Variants in RPS6KA1 observed in about 807,000 individuals in gnomAD.
RPS6KA1 encodes the protein ribosomal protein S6 kinase alpha-1.
In RPS6KA1, 48 loss-of-function variants were observed where a neutral mutation model predicts 91.3. The observed-to-expected ratio is 0.53, with a 90% CI of 0.42 to 0.67. The LOEUF is 0.67. Among genes scored for constraint, RPS6KA1 ranks in the 30% least tolerant of loss-of-function variants. The probability of loss-of-function intolerance (pLI) is 0.00; values close to 1 mark genes in which losing one functional copy is unlikely to be tolerated. For synonymous variants in RPS6KA1, 359 were observed against 384.7 expected (o/e 0.93, Z 0.78); for missense variants, 719 against 960.5 (o/e 0.75, Z 3.32).
In RPS6KA1 at chr1:26,574,459, C is replaced by T; in HGVS notation, c.*258C>T. The T allele has an allele frequency of 1.5e-6, 1 of 666,026 alleles. No individual in the cohort carries two copies. Among genetic ancestry groups the T allele is most frequent in the Non-Finnish European group, 2.9e-6 (1 of 348,644 alleles). 41.3% of individuals were successfully genotyped at this position (666,026 alleles called of 1,614,324 possible). A position where few individuals can be genotyped will look rare whatever the true frequency, so the allele number is the denominator to read the frequency against. Reference sequence around the variant, plus strand: ...TTTTTTATGAAAAAAATGGCATCAACCACCATGGATTTTTACAAGATCCAT... The same window carrying T: ...TTTTTTATGAAAAAAATGGCATCAATCACCATGGATTTTTACAAGATCCAT... On this transcript the variant is annotated 3_prime_UTR_variant, in exon 22 of 22. Coordinates refer to ENST00000374168, the MANE Select transcript of RPS6KA1 (RefSeq NM_002953.4). The surrounding 1 kb of genome is among the most constrained non-coding windows in gnomAD (Gnocchi z 4.3).
At position 26,558,337 on chromosome 1, in the gene RPS6KA1, A is replaced by G. The variant is rs1320756478; in HGVS notation, c.1085-470A>G. Among the ~76,000 whole-genome samples, 1 of 152,206 alleles carries G rather than the reference A, an allele frequency of 6.6e-6. No individual in the cohort carries two copies. Among genetic ancestry groups the G allele is most frequent in the African/African-American group, 2.4e-5 (1 of 41,450 alleles). On this transcript the variant is annotated intron_variant, in intron 13 of 21. Coordinates refer to ENST00000374168, the MANE Select transcript of RPS6KA1 (RefSeq NM_002953.4). The surrounding 1 kb of genome is among the most constrained non-coding windows in gnomAD (Gnocchi z 4.0). Reference sequence around the variant, plus strand: ...GGATCTGAGAAGTCCAACATGGCTCAGCTGTGGTATGGAGAGAGAGGAGGT... The same window carrying G: ...GGATCTGAGAAGTCCAACATGGCTCGGCTGTGGTATGGAGAGAGAGGAGGT...
At chr1:26,557,139 C>A in intron 13 of RPS6KA1, 39 bp downstream of exon 13, 1 of 1,543,782 alleles carries the variant, frequency 6.5e-7, no homozygotes, top group Non-Finnish European at 8.9e-7. Context: ...TGGGCTGGTA[C>A]AGGAGGGAAG....
At position 26,554,501 on chromosome 1, in the gene RPS6KA1, C is replaced by T; in HGVS notation, c.614-95C>T. The T allele has an allele frequency of 1.3e-6, 2 of 1,504,000 alleles. No individual in the cohort carries two copies. The highest frequency in any genetic ancestry group is 1.8e-6 in the Non-Finnish European group (2 of 1,109,520). 93.2% of individuals were successfully genotyped at this position (1,504,000 alleles called of 1,614,324 possible). A position where few individuals can be genotyped will look rare whatever the true frequency, so the allele number is the denominator to read the frequency against. On this transcript the variant is annotated intron_variant, in intron 8 of 21. Coordinates refer to ENST00000374168, the MANE Select transcript of RPS6KA1 (RefSeq NM_002953.4). The surrounding 1 kb of genome is among the most constrained non-coding windows in gnomAD (Gnocchi z 4.6). ...CTCCTGAGTGTCATGGGGGTGATGCCTTCTGGCCTCTGGGCACGGGGGTTG... is the reference window on the plus strand; with the variant it reads ...CTCCTGAGTGTCATGGGGGTGATGCTTTCTGGCCTCTGGGCACGGGGGTTG...
chr1:26,544,333 T>C (rs145542843), intron 2 of RPS6KA1, among the ~76,000 whole-genome samples: 41 of 152,324 alleles, frequency 2.7e-4, no homozygotes, highest in Middle Eastern at 3.4e-3. Flanking sequence ...CTGTTGTTCA[T>C]GTCCCCTTCT....
At chr1:26,560,951 G>T in intron 15 of RPS6KA1, 94 bp from the exon 16 acceptor site, 1 of 1,602,768 alleles carries the variant, frequency 6.2e-7, no homozygotes, top group South Asian at 1.1e-5. Flanking sequence ...ATGTATGAAA[G>T]GTGTGTGGCC....
intron 20 of RPS6KA1, 142 bp from the exon 21 acceptor site, chr1:26,573,082 G>T: frequency 2.4e-6 from 2 of 826,098 alleles, no homozygotes; most frequent in Non-Finnish European, 3.8e-6. Flanking sequence ...GGGGAGCCCT[G>T]GAGCAGAGTG....
intron 17 of RPS6KA1, among the ~76,000 whole-genome samples, chr1:26,566,005 A>G (rs1372605902): frequency 6.6e-6 from 1 of 152,100 alleles, no homozygotes; most frequent in African/African-American, 2.4e-5. Flanking sequence ...TCTCCTGTTA[A>G]TAGACACCAG....
chr1:26,572,060 C>A, intron 19 of RPS6KA1, 116 bp from the exon 20 acceptor site: 1 of 1,299,980 alleles, frequency 7.7e-7, no homozygotes, highest in Admixed American at 1.7e-5. Context: ...CTCCTGCCTC[C>A]AGGAGCTCTA....
In RPS6KA1 at chr1:26,554,353, G is replaced by A. The variant is rs1173309508; in HGVS notation, c.613+102G>A. 33 of 1,314,972 alleles carry A rather than the reference G, an allele frequency of 2.5e-5. No homozygotes were observed. Among genetic ancestry groups the A allele is most frequent in the South Asian group, 8.2e-5 (6 of 73,042 alleles). 81.5% of individuals were successfully genotyped at this position (1,314,972 alleles called of 1,614,324 possible). ...GGGGGCTCATTCTTCCCGAGAAGCC[G>A]TGCCAGTTACTTGGAAGTGGTCAAA... On this transcript the variant is annotated intron_variant, in intron 8 of 21. Coordinates refer to ENST00000374168, the MANE Select transcript of RPS6KA1 (RefSeq NM_002953.4). The surrounding 1 kb of genome is among the most constrained non-coding windows in gnomAD (Gnocchi z 4.6).
chr1:26,574,124 AC>A lies in RPS6KA1; in HGVS notation c.2137del (p.Gln713SerfsTer2). 3 of 1,612,134 alleles carry A rather than the reference AC, an allele frequency of 1.9e-6. No individual in the cohort carries two copies. The highest frequency in any genetic ancestry group is 2.2e-5 in the East Asian group (1 of 44,824). ...TYSALNSSKP[T>X]PQLKPIESSI... The stretch of plus-strand genomic sequence containing the variant: ...CTCCGCACTCAACAGCTCCAAGCCC[AC>A]CCCCCAGCTGAAGCCCATCGAGTCA... On this transcript the variant is annotated frameshift_variant, in exon 22 of 22. Transcript: ENST00000374168. LOFTEE classifies it high-confidence loss of function. The surrounding 1 kb of genome is among the most constrained non-coding windows in gnomAD (Gnocchi z 4.3).
chr1:26,564,480 G>A (rs1231196434), intron 17 of RPS6KA1, among the ~76,000 whole-genome samples: 9 of 152,052 alleles, frequency 5.9e-5, no homozygotes, highest in Non-Finnish European at 8.8e-5. Context: ...GGATGGTTTC[G>A]ATCACCTGAC....
rs2075854193 is a variant in RPS6KA1 at position 26,529,814 on chromosome 1, GC to G, written c.-106del. ...GGACGGCCCAGCCGGAGCGCGAGGGGCTCGGGGGGGCGCGGCGGTTCGGGTC... is the reference window on the plus strand; with the variant it reads ...GGACGGCCCAGCCGGAGCGCGAGGGGTCGGGGGGGCGCGGCGGTTCGGGTC... On this transcript the variant is annotated 5_prime_UTR_variant, in exon 1 of 22. Coordinates refer to ENST00000374168, the MANE Select transcript of RPS6KA1 (RefSeq NM_002953.4). The surrounding 1 kb of genome is among the most constrained non-coding windows in gnomAD (Gnocchi z 4.2). The G allele has an allele frequency of 1.2e-6, 1 of 828,190 alleles. No homozygotes were observed. Among genetic ancestry groups the G allele is most frequent in the Non-Finnish European group, 1.6e-6 (1 of 633,230 alleles). 51.3% of individuals were successfully genotyped at this position (828,190 alleles called of 1,614,324 possible). A position where few individuals can be genotyped will look rare whatever the true frequency, so the allele number is the denominator to read the frequency against.
rs2075911344 is a variant in RPS6KA1, at chr1:26,536,955, C to T, written c.94C>T (p.Leu32Phe). Residue 32 changes from leucine to phenylalanine, a missense_variant, in exon 2 of 22, where the codon CTT becomes TTT. Leu to Phe is a conservative substitution (Grantham distance 22, BLOSUM62 0). This residue lies in a region of RPS6KA1 where 57 missense variants were observed against 55.8 expected (regional missense o/e 1.02). Transcript: ENST00000374168. ...ACAGACCTCAGGGGAAGAAGCTGGA[C>T]TTCAGCCGTCCAAGGTGAGGACCAT... ...NGQTSGEEAGLQPSKDEGVLK... is the reference protein window; with the variant it reads ...NGQTSGEEAGFQPSKDEGVLK... 35 of 1,614,162 alleles carry T rather than the reference C, an allele frequency of 2.2e-5. No individual in the cohort carries two copies. The highest frequency in any genetic ancestry group is 2.8e-5 in the Non-Finnish European group (33 of 1,179,988).
At chr1:26,536,803 G>A (rs529696257) in intron 1 of RPS6KA1, 122 bp from the exon 2 acceptor site, 124 of 1,105,212 alleles carry the variant, frequency 1.1e-4, no homozygotes, top group Admixed American at 1.8e-4. Flanking sequence ...CAGGACTCCT[G>A]CCCTACCACC....
chr1:26,563,804 G>T (rs940439332), intron 17 of RPS6KA1, among the ~76,000 whole-genome samples: 2 of 152,002 alleles, frequency 1.3e-5, no homozygotes, highest in East Asian at 1.9e-4. Context: ...TCAGTTTTTT[G>T]GGGGGGATGG....
chr1:26,552,453 TA>T (rs1255397355), intron 6 of RPS6KA1, among the ~76,000 whole-genome samples: 2 of 149,280 alleles, frequency 1.3e-5, no homozygotes, highest in Admixed American at 1.3e-4. Flanking sequence ...ATTCAAACTT[TA>T]AAGAGAATCT....
Position 26,558,928 on chromosome 1 carries a change from G to T in RPS6KA1, c.1206G>T (p.Ser402=), listed in dbSNP as rs150063775. The T allele has an allele frequency of 2.5e-6, 4 of 1,611,384 alleles. No individual in the cohort carries two copies. The highest frequency in any genetic ancestry group is 3.4e-6 in the Non-Finnish European group (4 of 1,178,008). Residue 402 remains serine, a synonymous_variant, in exon 14 of 22, where the codon TCG becomes TCT. Transcript: ENST00000374168. This position sits in a 1 kb window ranked among gnomAD's most constrained non-coding sequence, Gnocchi z 4.0. ...KPRAPQAPLH[S]VVQQLHGKNL... is the part of the protein sequence containing the mutation. ...GTGCCCCGCAGGCACCCCTGCACTC[G>T]GTGGTACAGGTGAGGGGGGCAGGGG...
Position 26,546,921 on chromosome 1 carries a change from G to A in RPS6KA1, c.163G>A (p.Glu55Lys). Residue 55 changes from glutamate to lysine, a missense_variant, in exon 3 of 22, where the codon GAG becomes AAG. Glu to Lys is a moderately conservative substitution (Grantham distance 56). Transcript: ENST00000374168. ...SITHHVKAGS[E>K]KADPSHFELL... ...CACGCACCACGTCAAGGCTGGCTCTGAGAAGGCTGATCCATCCCATTTCGA... is the reference window on the plus strand; with the variant it reads ...CACGCACCACGTCAAGGCTGGCTCTAAGAAGGCTGATCCATCCCATTTCGA... The A allele has an allele frequency of 6.2e-7, 1 of 1,614,190 alleles. No individual in the cohort carries two copies. Among genetic ancestry groups the A allele is most frequent in the African/African-American group, 1.3e-5 (1 of 75,054 alleles).
intron 1 of RPS6KA1, among the ~76,000 whole-genome samples, chr1:26,535,365 G>A (rs1229021135): frequency 1.3e-5 from 2 of 152,016 alleles, no homozygotes; most frequent in Non-Finnish European, 2.9e-5. Flanking sequence ...CTACCCAGCT[G>A]TAGCCAAGCA....
Sources: gnomAD v4.1 joint callset for allele counts (sites outside exome capture counted in the v4.1 genomes callset) on GRCh38, gnomAD v4.1.1 for gene constraint, gnomAD v4.1.1 regional missense constraint, Gnocchi (gnomAD v3.1) non-coding constraint, MANE v1.5 for transcripts, NCBI Gene and HGNC (gene_info 2026-07-23, HGNC 2026-07-21) for gene names.